COL5A3: variants seen among roughly 807,000 people sequenced by gnomAD.
COL5A3 encodes collagen type V alpha 3 chain, also known as collagen alpha-3(V) chain.
In COL5A3, 172 loss-of-function variants were observed where a neutral mutation model predicts 250.0. The ratio of observed to expected loss-of-function variants is 0.69; its 90% CI spans 0.61 to 0.78. COL5A3 has a LOEUF of 0.78. COL5A3 is among the 30% of genes least tolerant of loss of function. The pLI is 0.00. For missense variants in COL5A3, 2,340 were observed against 2,334.4 expected, an observed-to-expected ratio of 1.00 and a Z score of -0.05; for synonymous variants, 937 against 900.4, an observed-to-expected ratio of 1.04 and a Z score of -0.73.
intron 65 of COL5A3, 139 bp from the exon 66 acceptor site, chr19:9,961,029 C>T (rs1379160864): frequency 2.0e-6 from 2 of 981,986 alleles, no homozygotes; most frequent in East Asian, 5.0e-5. Context: ...CCACCAGCCA[C>T]CTAGAGATCC....
rs771623014 is a variant in COL5A3 at position 9,973,947 on chromosome 19, C to T, written c.3530G>A (p.Arg1177Gln). Reference protein sequence around the residue: ...SMGPHGAPGPRGPQGPTGSEG... With the variant: ...SMGPHGAPGPQGPQGPTGSEG... The stretch of plus-strand genomic sequence containing the variant: ...TGATCCAGTGGGGCCTTGGGGACCC[C>T]GAGGACCTGGAGCTCCATGGGGACC... Residue 1177 changes from arginine (R) to glutamine (Q), a missense_variant, in exon 48 of 67, where the codon CGG becomes CAG. Around this residue, in one of 3 missense-constraint regions of COL5A3, gnomAD observed 1,179 missense variants for 1,162.6 expected, o/e 1.01. Coordinates refer to ENST00000264828, the MANE Select transcript of COL5A3 (RefSeq NM_015719.4). 39 of 1,548,764 alleles carry T rather than the reference C, an allele frequency of 2.5e-5. No homozygotes were observed. The highest frequency in any genetic ancestry group is 9.6e-5 in the African/African-American group (7 of 72,746).
At chr19:9,991,337 TG>T (rs2087185671) in intron 24 of COL5A3, among the ~76,000 whole-genome samples, 2 of 152,240 alleles carry the variant, frequency 1.3e-5, no homozygotes, top group Admixed American at 1.3e-4. Context: ...CCACAGGGCC[TG>T]TGCCTCTTGG....
intron 56 of COL5A3, 37 bp from the exon 57 acceptor site, chr19:9,969,439 T>G (rs2145061886): frequency 6.2e-7 from 1 of 1,600,564 alleles, no homozygotes; most frequent in Non-Finnish European, 8.5e-7. Context: ...GGCTGCACCC[T>G]GTCAGAACAC....
intron 54 of COL5A3, 42 bp from the exon 55 acceptor site, chr19:9,969,964 G>A (rs774009913): frequency 1.3e-6 from 2 of 1,580,122 alleles, no homozygotes; most frequent in Non-Finnish European, 1.7e-6. Flanking sequence ...GGGGCTGACT[G>A]AGGGTCAGAG....
Position 9,974,230 on chromosome 19 carries a change from G to A in COL5A3, c.3451-6C>T, listed in dbSNP as rs1458863235. On this transcript the variant is annotated splice_polypyrimidine_tract_variant and splice_region_variant and intron_variant, in intron 46 of 66. Transcript: ENST00000264828. The stretch of plus-strand genomic sequence containing the variant: ...CCCGGAGGGCCTGGCAGCCCCTGTG[G>A]AACAAAGAAGCAAGATTGGGGCACC... 1.9e-6 allele frequency: 3 copies of A among 1,613,822 alleles called. No individual in the cohort carries two copies. The highest frequency in any genetic ancestry group is 2.5e-6 in the Non-Finnish European group (3 of 1,179,940).
chr19:9,992,973 G>A (rs375487406), intron 20 of COL5A3, 50 bp downstream of exon 20: 8 of 1,608,924 alleles, frequency 5.0e-6, no homozygotes, highest in Non-Finnish European at 6.8e-6. Flanking sequence ...TGGGAGTCCT[G>A]ACTCCCTCCC....
At chr19:9,997,541 C>A in intron 10 of COL5A3, 108 bp from the exon 11 acceptor site, 1 of 668,616 alleles carries the variant, frequency 1.5e-6, no homozygotes, top group South Asian at 1.9e-5. Flanking sequence ...TACCCCACTA[C>A]AGAGCCACTC....
Position 9,993,751 on chromosome 19 carries a change from A to G in COL5A3, c.1641+2T>C. 1 of 1,613,764 alleles carries G rather than the reference A, an allele frequency of 6.2e-7. No individual in the cohort carries two copies. The highest frequency in any genetic ancestry group is 8.5e-7 in the Non-Finnish European group (1 of 1,179,896). On this transcript the variant is annotated splice_donor_variant, in intron 17 of 66. Transcript: ENST00000264828. LOFTEE classifies it high-confidence loss of function. The stretch of plus-strand genomic sequence containing the variant: ...AGTCTTATCTCAGCCCCCATCACCT[A>G]CCTTAGGTCCAGTGTCCCCTGGGAG...
intron 51 of COL5A3, among the ~76,000 whole-genome samples, 162 bp from the exon 52 acceptor site, chr19:9,971,420 A>G (rs905663919): frequency 1.3e-5 from 2 of 152,196 alleles, no homozygotes; most frequent in Non-Finnish European, 2.9e-5. Flanking sequence ...CTCGTGTTTC[A>G]TGGGTGCAGA....
intron 1 of COL5A3, among the ~76,000 whole-genome samples, chr19:10,010,081 C>T (rs777260075): frequency 1.3e-4 from 20 of 152,246 alleles, no homozygotes; most frequent in Admixed American, 2.6e-4. Flanking sequence ...CCCACGCGCT[C>T]GCCAGAAAAC....
rs2087232131 is a variant in COL5A3 at position 9,993,814 on chromosome 19, G to A, written c.1588-8C>T. 1.2e-6 allele frequency: 2 copies of A among 1,614,020 alleles called. No homozygotes were observed. Among genetic ancestry groups the A allele is most frequent in the East Asian group, 2.2e-5 (1 of 44,878 alleles). ...ATCTGCTCCAGGGCGGCCCTATGGA[G>A]AAAGTAAGCCCAAGAGTCAAGGATG... On this transcript the variant is annotated splice_polypyrimidine_tract_variant and splice_region_variant and intron_variant, in intron 16 of 66. Coordinates refer to ENST00000264828, the MANE Select transcript of COL5A3 (RefSeq NM_015719.4).
At chr19:9,997,551 C>T in intron 10 of COL5A3, 118 bp from the exon 11 acceptor site, 1 of 642,238 alleles carries the variant, frequency 1.6e-6, no homozygotes, top group Non-Finnish European at 2.7e-6. Context: ...CAGAGCCACT[C>T]CAACTCCCCT....
chr19:9,992,922 T>C (rs1296724655), intron 20 of COL5A3, 42 bp from the exon 21 acceptor site: 1 of 1,610,898 alleles, frequency 6.2e-7, no homozygotes, highest in Non-Finnish European at 8.5e-7. Context: ...CACCTCTGTG[T>C]GGCCATGTGA....
At chr19:9,965,800 T>C (rs1206934725) in intron 64 of COL5A3, among the ~76,000 whole-genome samples, 1 of 152,144 alleles carries the variant, frequency 6.6e-6, no homozygotes, top group Non-Finnish European at 1.5e-5. Context: ...CCATGGAAGG[T>C]ATGAGTTCCA....
intron 37 of COL5A3, 80 bp from the exon 38 acceptor site, chr19:9,979,497 G>T: frequency 1.4e-6 from 2 of 1,479,516 alleles, no homozygotes; most frequent in Non-Finnish European, 1.9e-6. Context: ...GGCCTGATAG[G>T]ATCAGGAATC....
chr19:9,974,559 G>A (rs1599539621), intron 45 of COL5A3, 151 bp from the exon 46 acceptor site: 1 of 571,066 alleles, frequency 1.8e-6, no homozygotes, highest in East Asian at 3.2e-5. Context: ...TGGGGTCTAG[G>A]TTAAGGAACA....
At chr19:9,963,020 C>T in intron 64 of COL5A3, 133 bp from the exon 65 acceptor site, 2 of 673,726 alleles carry the variant, frequency 3.0e-6, no homozygotes, top group Non-Finnish European at 5.2e-6. Context: ...GATGGACGAG[C>T]TCTGCCAGTG....
chr19:9,965,156 C>CTTTTTTT (rs771519552), intron 64 of COL5A3, among the ~76,000 whole-genome samples: 5 of 100,304 alleles, frequency 5.0e-5, no homozygotes, highest in Admixed American at 1.0e-4. Flanking sequence ...TTTTCTTTTT[C>CTTTTTTT]TTTTTTTTTT....
Position 9,980,618 on chromosome 19 carries a change from T to TCACACA in COL5A3, c.2604+24_2604+29dup, listed in dbSNP as rs57936080. On this transcript the variant is annotated intron_variant, in intron 35 of 66. Transcript: ENST00000264828. The stretch of plus-strand genomic sequence containing the variant: ...CTCTCTCTCTCACACACACACACAT[T>TCACACA]CACACACACACACACACACACACAC... 80 of 1,493,670 alleles carry TCACACA rather than the reference T, an allele frequency of 5.4e-5. No individual in the cohort carries two copies. The Middle Eastern group carries it at 8.7e-4, about 16-fold the overall frequency. The allele number at this position is 1,493,670 out of a possible 1,614,324, so 92.5% of individuals were successfully genotyped here. A position where few individuals can be genotyped will look rare whatever the true frequency, so the allele number is the denominator to read the frequency against.
Sources: allele counts gnomAD v4.1 joint callset (sites outside exome capture counted in the v4.1 genomes callset), GRCh38; gene constraint gnomAD v4.1.1; regional missense constraint gnomAD v4.1.1; transcripts MANE v1.5; gene names NCBI Gene and HGNC (gene_info 2026-07-23, HGNC 2026-07-21).